RAB8A: variants seen among roughly 807,000 people sequenced by gnomAD.
RAB8A encodes RAB8A, member RAS oncogene family.
A neutral mutation model predicts 29.2 loss-of-function variants in RAB8A; 5 were observed. That is an observed-to-expected ratio of 0.17 (90% CI 0.09 to 0.36). The LOEUF is 0.36. Ranked by LOEUF, RAB8A falls within the 10% of genes least tolerant of loss-of-function variation. The pLI is 1.00. For missense variants in RAB8A, 171 were observed against 272.2 expected (o/e 0.63, Z 2.62); for synonymous variants, 108 against 99.9 (o/e 1.08, Z -0.49).
intron 7 of RAB8A, among the ~76,000 whole-genome samples, chr19:16,131,390 C>T (rs1568322722): frequency 6.7e-6 from 1 of 149,220 alleles, no homozygotes; most frequent in Non-Finnish European, 1.5e-5. Flanking sequence ...GGGAATAAAT[C>T]GATGGTTGAT....
chr19:16,118,070 C>T (rs2090854690), intron 1 of RAB8A, among the ~76,000 whole-genome samples, 156 bp from the exon 2 acceptor site: 1 of 152,156 alleles, frequency 6.6e-6, no homozygotes, highest in Non-Finnish European at 1.5e-5. Context: ...CCAAGTGTTT[C>T]CAGATCTGGA....
Position 16,125,368 on chromosome 19 carries a change from C to A in RAB8A, c.247-102C>A. 2.0e-6 allele frequency: 2 copies of A among 988,264 alleles called. No individual in the cohort carries two copies. The highest frequency in any genetic ancestry group is 3.1e-6 in the Non-Finnish European group (2 of 646,378). The allele number at this position is 988,264 out of a possible 1,614,324, so 61.2% of individuals were successfully genotyped here. A position where few individuals can be genotyped will look rare whatever the true frequency, so the allele number is the denominator to read the frequency against. ...GCGGCAGCTAATGGGCCTGGCTGTGCAGTGGGTGCTGGGCTCCCCACCACT... is the reference window on the plus strand; with the variant it reads ...GCGGCAGCTAATGGGCCTGGCTGTGAAGTGGGTGCTGGGCTCCCCACCACT... On this transcript the variant is annotated intron_variant, in intron 3 of 7. Coordinates refer to ENST00000300935, the MANE Select transcript of RAB8A (RefSeq NM_005370.5). This position sits in a 1 kb window ranked among gnomAD's most constrained non-coding sequence, Gnocchi z 5.0.
chr19:16,132,037 GGTTA>G lies in RAB8A; in HGVS notation c.532-171_532-168del, dbSNP rs542295896. 1.3e-5 allele frequency among the ~76,000 whole-genome samples: 2 copies of G among 150,862 alleles called. No homozygotes were observed. The highest frequency in any genetic ancestry group is 1.3e-4 in the Admixed American group (2 of 15,120). On this transcript the variant is annotated intron_variant, in intron 7 of 7. Transcript: ENST00000300935. The surrounding 1 kb of genome is among the most constrained non-coding windows in gnomAD (Gnocchi z 5.6). Reference sequence around the variant, plus strand: ...TGGATGGATGGTTGGATGGCTCGTTGGTTAGTTGGTTGGTTTGGCTGGTTTGATT... The same window carrying G: ...TGGATGGATGGTTGGATGGCTCGTTGGTTGGTTGGTTTGGCTGGTTTGATT...
At chr19:16,116,595 G>A (rs1444976247) in intron 1 of RAB8A, among the ~76,000 whole-genome samples, 1 of 152,158 alleles carries the variant, frequency 6.6e-6, no homozygotes, top group African/African-American at 2.4e-5. Flanking sequence ...CCAGTACTTT[G>A]GGAGGCTGAG....
rs2090879453 is a variant in RAB8A at position 16,122,410 on chromosome 19, G to C, written c.246+600G>C. On this transcript the variant is annotated intron_variant, in intron 3 of 7. Transcript: ENST00000300935. The surrounding 1 kb of genome is among the most constrained non-coding windows in gnomAD (Gnocchi z 4.7). The stretch of plus-strand genomic sequence containing the variant: ...ATGGCAGGGCATTCAGGGGTAGAGG[G>C]AGCAGGAGGTGGAGCCCCTGGACCT... 6.6e-6 allele frequency among the ~76,000 whole-genome samples: 1 copy of C among 152,190 alleles called. No individual in the cohort carries two copies. Among genetic ancestry groups the C allele is most frequent in the Non-Finnish European group, 1.5e-5 (1 of 68,032 alleles).
intron 7 of RAB8A, among the ~76,000 whole-genome samples, chr19:16,131,287 A>T (rs1403660589): frequency 1.3e-5 from 2 of 152,220 alleles, no homozygotes; most frequent in African/African-American, 4.8e-5. Flanking sequence ...TATATAGCAG[A>T]TGGAAAATAG....
rs1568321327 is a variant in RAB8A at position 16,125,750 on chromosome 19, GC to G, written c.324+207del. On this transcript the variant is annotated intron_variant, in intron 4 of 7. Transcript: ENST00000300935. This position sits in a 1 kb window ranked among gnomAD's most constrained non-coding sequence, Gnocchi z 5.0. ...CACACTGGCCTGGCCCCACCCCGGA[GC>G]CCCTCGGAGCCCATCCCTCCAGCTA... 1 of 679,792 alleles carries G rather than the reference GC, an allele frequency of 1.5e-6. No individual in the cohort carries two copies. The highest frequency in any genetic ancestry group is 2.7e-6 in the Non-Finnish European group (1 of 369,486). 42.1% of individuals were successfully genotyped at this position (679,792 alleles called of 1,614,324 possible). A position where few individuals can be genotyped will look rare whatever the true frequency, so the allele number is the denominator to read the frequency against.
At position 16,112,036 on chromosome 19, in the gene RAB8A, C is replaced by G. The variant is rs1330056054; in HGVS notation, c.124+11C>G. 6.2e-7 allele frequency: 1 copy of G among 1,613,276 alleles called. No individual in the cohort carries two copies. Among genetic ancestry groups the G allele is most frequent in the Non-Finnish European group, 8.5e-7 (1 of 1,179,424 alleles). On this transcript the variant is annotated intron_variant, in intron 1 of 7. Transcript: ENST00000300935. Reference sequence around the variant, plus strand: ...TTATCTCCACCATAGGTAACGGGACCGGGGAATGGCTGGGGGCGCCGGAGG... The same window carrying G: ...TTATCTCCACCATAGGTAACGGGACGGGGGAATGGCTGGGGGCGCCGGAGG...
intron 7 of RAB8A, among the ~76,000 whole-genome samples, chr19:16,130,236 C>T (rs905340549): frequency 6.6e-6 from 1 of 152,040 alleles, no homozygotes; most frequent in Admixed American, 6.6e-5. Context: ...TCAAACACTT[C>T]CCTGTACTTT....
In RAB8A at chr19:16,122,114, G is replaced by T; in HGVS notation, c.246+304G>T. 1 of 289,572 alleles carries T rather than the reference G, an allele frequency of 3.5e-6. No individual in the cohort carries two copies. The highest frequency in any genetic ancestry group is 6.5e-6 in the Non-Finnish European group (1 of 153,140). The allele number at this position is 289,572 out of a possible 1,614,324, so 17.9% of individuals were successfully genotyped here. A position where few individuals can be genotyped will look rare whatever the true frequency, so the allele number is the denominator to read the frequency against. ...GGTGAGCTCAGTGCAGTTAAAGCCGGCATGCCCCGACTTTTAGGAGCTGTC... is the reference window on the plus strand; with the variant it reads ...GGTGAGCTCAGTGCAGTTAAAGCCGTCATGCCCCGACTTTTAGGAGCTGTC... On this transcript the variant is annotated intron_variant, in intron 3 of 7. Transcript: ENST00000300935. This position sits in a 1 kb window ranked among gnomAD's most constrained non-coding sequence, Gnocchi z 4.7.
intron 6 of RAB8A, 94 bp from the exon 7 acceptor site, chr19:16,129,460 C>G: frequency 7.9e-7 from 1 of 1,271,584 alleles, no homozygotes; most frequent in East Asian, 2.3e-5. Context: ...GAGGCCCACG[C>G]CTGGGAAGCT....
rs2090906583 is a variant in RAB8A, at chr19:16,127,348, T to A, written c.325-89T>A. On this transcript the variant is annotated intron_variant, in intron 4 of 7. Coordinates refer to ENST00000300935, the MANE Select transcript of RAB8A (RefSeq NM_005370.5). This position sits in a 1 kb window ranked among gnomAD's most constrained non-coding sequence, Gnocchi z 4.8. ...TACCTAGCAGTCCTGACCCCACCGCTCTGATTTCTGGGGACAGACTGTGTG... is the reference window on the plus strand; with the variant it reads ...TACCTAGCAGTCCTGACCCCACCGCACTGATTTCTGGGGACAGACTGTGTG... 2.3e-6 allele frequency: 2 copies of A among 868,348 alleles called. No individual in the cohort carries two copies. Among genetic ancestry groups the A allele is most frequent in the African/African-American group, 1.7e-5 (1 of 57,698 alleles). The allele number at this position is 868,348 out of a possible 1,614,324, so 53.8% of individuals were successfully genotyped here.
At position 16,120,417 on chromosome 19, in the gene RAB8A, A is replaced by G. The variant is rs573086197; in HGVS notation, c.186-1333A>G. ...AACCTCCACTTCCTTGGTTCAAGCA[A>G]TTCTCGTGCTTCAGCTTCCCGAGTA... On this transcript the variant is annotated intron_variant, in intron 2 of 7. Coordinates refer to ENST00000300935, the MANE Select transcript of RAB8A (RefSeq NM_005370.5). 2.0e-5 allele frequency among the ~76,000 whole-genome samples: 3 copies of G among 150,174 alleles called. No individual in the cohort carries two copies. In the South Asian group the frequency reaches 6.3e-4, roughly 32 times the overall value.
In RAB8A at chr19:16,125,441, A is replaced by G; in HGVS notation, c.247-29A>G. 1 of 1,600,754 alleles carries G rather than the reference A, an allele frequency of 6.2e-7. No individual in the cohort carries two copies. The highest frequency in any genetic ancestry group is 8.6e-7 in the Non-Finnish European group (1 of 1,168,556). On this transcript the variant is annotated intron_variant, in intron 3 of 7. Transcript: ENST00000300935. The surrounding 1 kb of genome is among the most constrained non-coding windows in gnomAD (Gnocchi z 5.0). ...TCCCTTCCAGAGCCTGCAGCCGATC[A>G]GGCACCTGTGTCTTCTCTCCCCGCG...
intron 1 of RAB8A, chr19:16,112,319 G>A (rs531058421): frequency 2.7e-6 from 1 of 372,540 alleles, no homozygotes. Context: ...CTCTCGATCT[G>A]TCCTAGCAGC....
At chr19:16,114,446 G>A (rs967737830) in intron 1 of RAB8A, among the ~76,000 whole-genome samples, 25 of 143,830 alleles carry the variant, frequency 1.7e-4, no homozygotes, top group African/African-American at 2.9e-4. Context: ...GCGCGATCTC[G>A]GCTCACTGCA....
intron 1 of RAB8A, among the ~76,000 whole-genome samples, chr19:16,115,266 C>A (rs2090841475): frequency 6.6e-6 from 1 of 150,846 alleles, no homozygotes; most frequent in Non-Finnish European, 1.5e-5. Context: ...CCAGCCTGGG[C>A]AACAGAGCAA....
In RAB8A at chr19:16,125,768, C is replaced by G. The variant is rs2090897996; in HGVS notation, c.324+221C>G. 2 of 669,594 alleles carry G rather than the reference C, an allele frequency of 3.0e-6. No individual in the cohort carries two copies. Among genetic ancestry groups the G allele is most frequent in the Admixed American group, 2.1e-5 (1 of 48,536 alleles). The allele number at this position is 669,594 out of a possible 1,614,324, so 41.5% of individuals were successfully genotyped here. On this transcript the variant is annotated intron_variant, in intron 4 of 7. Transcript: ENST00000300935. The surrounding 1 kb of genome is among the most constrained non-coding windows in gnomAD (Gnocchi z 5.0). Reference sequence around the variant, plus strand: ...CCCCGGAGCCCCTCGGAGCCCATCCCTCCAGCTAGGCTGTTGGATCTGGCC... The same window carrying G: ...CCCCGGAGCCCCTCGGAGCCCATCCGTCCAGCTAGGCTGTTGGATCTGGCC...
chr19:16,124,618 G>A (rs76073987), intron 3 of RAB8A: 2,199 of 152,428 alleles, frequency 0.014, 50 homozygotes, highest in Non-Finnish European at 0.017. Flanking sequence ...CACACAGACC[G>A]TCAGAGGGTG....
Sources: gnomAD v4.1 joint callset for allele counts (sites outside exome capture counted in the v4.1 genomes callset) on GRCh38, gnomAD v4.1.1 for gene constraint, Gnocchi (gnomAD v3.1) non-coding constraint, MANE v1.5 for transcripts, NCBI Gene and HGNC (gene_info 2026-07-23, HGNC 2026-07-21) for gene names.